NFIB: variants seen among roughly 807,000 people sequenced by gnomAD.
NFIB encodes the protein nuclear factor 1 B-type.
Under a neutral mutation model 61.5 loss-of-function variants are expected in NFIB, and 11 were observed. The ratio of observed to expected loss-of-function variants is 0.18; its 90% confidence interval spans 0.11 to 0.30. The LOEUF is 0.30. Ranked by LOEUF, NFIB falls within the 10% of genes least tolerant of loss-of-function variation. The pLI is 1.00. For missense variants in NFIB, 471 were observed against 608.9 expected (o/e 0.77, Z 2.38); for synonymous variants, 260 against 216.5 (o/e 1.20, Z -1.76).
At chr9:14,119,985 A>C (rs2119144492) in intron 8 of NFIB, among the ~76,000 whole-genome samples, 1 of 152,376 alleles carries the variant, frequency 6.6e-6, no homozygotes, top group African/African-American at 2.4e-5. Context: ...TCAAACACTG[A>C]GAATGTTTAC....
the NFIB span, among the ~76,000 whole-genome samples, chr9:14,448,111 G>A: frequency 4.6e-5 from 7 of 152,096 alleles, no homozygotes; most frequent in Admixed American, 1.3e-4. Context: ...AAAAAGTCTC[G>A]TTCTTTGCAA....
intron 2 of NFIB, among the ~76,000 whole-genome samples, chr9:14,207,559 AG>A (rs1391908780): frequency 1.3e-5 from 2 of 152,212 alleles, no homozygotes; most frequent in African/African-American, 2.4e-5. Context: ...GCTCGGCATG[AG>A]CAGCTCCGTG....
chr9:14,388,389 A>AGAG (rs1564051664), intron 1 of NFIB, among the ~76,000 whole-genome samples: 4 of 11,780 alleles, frequency 3.4e-4, no homozygotes, highest in East Asian at 2.6e-3. Context: ...GGAAGGAAGG[A>AGAG]AGGAAGGAAG....
At chr9:14,232,627 G>A (rs888771804) in intron 2 of NFIB, among the ~76,000 whole-genome samples, 4 of 152,178 alleles carry the variant, frequency 2.6e-5, no homozygotes, top group Non-Finnish European at 4.4e-5. Context: ...TAAAGTATTA[G>A]AGGGCTAAGG....
the NFIB span, among the ~76,000 whole-genome samples, chr9:14,413,268 A>C: frequency 6.6e-6 from 1 of 152,176 alleles, no homozygotes; most frequent in Non-Finnish European, 1.5e-5. Context: ...ATTTTGGGGA[A>C]CAGTATCAGG....
At chr9:14,487,084 T>G in the NFIB span, among the ~76,000 whole-genome samples, 1 of 152,178 alleles carries the variant, frequency 6.6e-6, no homozygotes, top group Admixed American at 6.5e-5. Context: ...CAAGCAAGGC[T>G]TTGTCTGGAT....
intron 1 of NFIB, among the ~76,000 whole-genome samples, chr9:14,356,466 T>C (rs544903845): frequency 9.9e-5 from 15 of 152,234 alleles, no homozygotes; most frequent in Admixed American, 6.5e-4. Context: ...CTGATGCTGG[T>C]GGGCTTTGGG....
chr9:14,220,259 T>C (rs1037983632), intron 2 of NFIB, among the ~76,000 whole-genome samples: 3 of 152,212 alleles, frequency 2.0e-5, no homozygotes, highest in African/African-American at 4.8e-5. Context: ...TGTAGATCCA[T>C]TGCAAAGGCT....
intron 1 of NFIB, among the ~76,000 whole-genome samples, chr9:14,379,323 C>T (rs1159549474): frequency 6.6e-6 from 1 of 152,150 alleles, no homozygotes; most frequent in Non-Finnish European, 1.5e-5. Flanking sequence ...ATTGAAAGAG[C>T]AGGAACAGGT....
the NFIB span, among the ~76,000 whole-genome samples, chr9:14,509,126 T>C: frequency 6.6e-6 from 1 of 152,218 alleles, no homozygotes; most frequent in South Asian, 2.1e-4. Context: ...TGTTGGACAC[T>C]GATGTTGGTG....
At chr9:14,096,373 G>C (rs1023079973) in intron 10 of NFIB, 1 of 152,136 alleles carries the variant, frequency 6.6e-6, no homozygotes, top group African/African-American at 2.4e-5. Context: ...AGAGTGCTCT[G>C]AACAGGCCAC....
chr9:14,377,049 C>G (rs1284520717), intron 1 of NFIB, among the ~76,000 whole-genome samples: 1 of 152,154 alleles, frequency 6.6e-6, no homozygotes, highest in Non-Finnish European at 1.5e-5. Context: ...ACCCCAAATT[C>G]TGAGATTCTT....
chr9:14,151,695 T>C (rs1320107610), intron 4 of NFIB, among the ~76,000 whole-genome samples: 1 of 152,056 alleles, frequency 6.6e-6, no homozygotes, highest in Non-Finnish European at 1.5e-5. Flanking sequence ...AGCAAAATCA[T>C]AGGTAGAGAT....
At chr9:14,232,387 C>T (rs539269951) in intron 2 of NFIB, among the ~76,000 whole-genome samples, 1 of 152,324 alleles carries the variant, frequency 6.6e-6, no homozygotes, top group South Asian at 2.1e-4. Flanking sequence ...TGCCTGTCTT[C>T]CTGCTGCAAA....
chr9:14,358,006 G>A (rs1399997927), intron 1 of NFIB: 1 of 152,138 alleles, frequency 6.6e-6, no homozygotes, highest in Non-Finnish European at 1.5e-5. Flanking sequence ...GGAGCCTGGA[G>A]GATGACAGCA....
chr9:14,501,064 C>T, the NFIB span, among the ~76,000 whole-genome samples: 1 of 152,216 alleles, frequency 6.6e-6, no homozygotes, highest in Non-Finnish European at 1.5e-5. Flanking sequence ...GCTTCTAACT[C>T]ATCGCAGTGG....
intron 2 of NFIB, among the ~76,000 whole-genome samples, chr9:14,296,832 GA>G (rs2059474122): frequency 6.6e-6 from 1 of 152,222 alleles, no homozygotes; most frequent in South Asian, 2.1e-4. Flanking sequence ...GCAGAAGGGG[GA>G]TATGCTGAAC....
At chr9:14,282,771 C>T (rs891898066) in intron 2 of NFIB, among the ~76,000 whole-genome samples, 12 of 152,148 alleles carry the variant, frequency 7.9e-5, no homozygotes, top group African/African-American at 2.7e-4. Context: ...TGAATTAGGC[C>T]GCACAGCCAG....
chr9:14,467,561 A>C, the NFIB span, among the ~76,000 whole-genome samples: 18 of 152,190 alleles, frequency 1.2e-4, no homozygotes, highest in African/African-American at 4.3e-4. Flanking sequence ...AGGGTTTTAT[A>C]AACTGTTTAT....
Sources: gnomAD v4.1 joint callset for allele counts (sites outside exome capture counted in the v4.1 genomes callset) on GRCh38, gnomAD v4.1.1 for gene constraint, MANE v1.5 for transcripts, NCBI Gene and HGNC (gene_info 2026-07-23, HGNC 2026-07-21) for gene names.